ATXN2: variants seen among roughly 807,000 people sequenced by gnomAD.
The protein encoded by ATXN2 is ataxin 2.
Under a neutral mutation model 138.6 loss-of-function variants are expected in ATXN2, and 37 were observed. The observed-to-expected ratio is 0.27, with a 90% CI of 0.21 to 0.35. The LOEUF (loss-of-function observed/expected upper bound fraction) is 0.35, where lower values mean the gene tolerates loss of function less well. Ranked by LOEUF, ATXN2 falls within the 10% of genes least tolerant of loss-of-function variation. The pLI is 1.00. For missense variants in ATXN2, 1,216 were observed against 1,480.3 expected (o/e 0.82, Z 2.93); for synonymous variants, 549 against 543.7 (o/e 1.01, Z -0.13).
At chr12:111,508,441 CTTTTTT>C (rs66643315) in intron 14 of ATXN2, among the ~76,000 whole-genome samples, 2 of 85,646 alleles carry the variant, frequency 2.3e-5, no homozygotes, top group Admixed American at 3.0e-4. Context: ...AATTGAAAAA[CTTTTTT>C]TTTTTTTTTT....
intron 3 of ATXN2, among the ~76,000 whole-genome samples, chr12:111,553,604 A>AAAAATTTTTTT (rs1882237738): frequency 3.5e-5 from 3 of 85,004 alleles, no homozygotes; most frequent in African/African-American, 2.3e-4. Flanking sequence ...AAAAAAAAAA[A>AAAAATTTTTTT]TTTTTTTTTT....
chr12:111,552,446 C>A lies in ATXN2; in HGVS notation c.421-16G>T. On this transcript the variant is annotated splice_polypyrimidine_tract_variant and intron_variant, in intron 4 of 24. Coordinates refer to ENST00000673436, the MANE Select transcript of ATXN2 (RefSeq NM_001372574.1). The surrounding 1 kb of genome is among the most constrained non-coding windows in gnomAD (Gnocchi z 4.1). ...CCAAATCACACTAAAATGAAAAACACAAGTAAGTACTCCAAACCTTTACAA... is the reference window on the plus strand; with the variant it reads ...CCAAATCACACTAAAATGAAAAACAAAAGTAAGTACTCCAAACCTTTACAA... 1 of 1,602,150 alleles carries A rather than the reference C, an allele frequency of 6.2e-7. No individual in the cohort carries two copies. The highest frequency in any genetic ancestry group is 8.5e-7 in the Non-Finnish European group (1 of 1,176,474).
intron 18 of ATXN2, among the ~76,000 whole-genome samples, chr12:111,483,452 C>CTTTTTTTTTTTTTTTTTTT: frequency 9.3e-6 from 1 of 107,212 alleles, no homozygotes; most frequent in Non-Finnish European, 1.9e-5. Context: ...TAAAAGAACT[C>CTTTTTTTTTTTTTTTTTTT]TTTTTTTTTT....
chr12:111,464,831 A>G (rs550449243), intron 20 of ATXN2, 116 bp from the exon 21 acceptor site: 7 of 775,702 alleles, frequency 9.0e-6, no homozygotes, highest in South Asian at 4.9e-5. Context: ...ATTCATTTTC[A>G]TAAGAGATGA....
intron 5 of ATXN2, among the ~76,000 whole-genome samples, chr12:111,539,950 G>A (rs972207541): frequency 1.3e-5 from 2 of 150,054 alleles, no homozygotes; most frequent in African/African-American, 4.8e-5. Context: ...TCAGAATTAG[G>A]TTAAGGAAAA....
chr12:111,543,072 T>C (rs1473613365), intron 5 of ATXN2, among the ~76,000 whole-genome samples: 1 of 152,212 alleles, frequency 6.6e-6, no homozygotes, highest in African/African-American at 2.4e-5. Context: ...TTCCATTACA[T>C]AGATCCGTTC....
chr12:111,564,290 T>C (rs1409908587), intron 1 of ATXN2, among the ~76,000 whole-genome samples: 1 of 151,686 alleles, frequency 6.6e-6, no homozygotes, highest in African/African-American at 2.4e-5. Flanking sequence ...AAATACCTAA[T>C]GAATTAACAG....
At position 111,513,423 on chromosome 12, in the gene ATXN2, C is replaced by G; in HGVS notation, c.1492G>C (p.Ala498Pro). Residue 498 changes from alanine to proline, a missense_variant, in exon 11 of 25, where the codon GCA (alanine) becomes CCA (proline). By Grantham distance (27) the Ala-to-Pro change is conservative. Coordinates refer to ENST00000673436, the MANE Select transcript of ATXN2 (RefSeq NM_001372574.1). The part of the protein sequence containing the change: ...EFVSHNPPSE[A>P]ATPPVARTSP... ...GTCCTTGCTACTGGAGGAGTAGCTG[C>G]TTCACTGGGTGGGTTGTGGGATACA... The G allele has an allele frequency of 6.2e-7, 1 of 1,614,032 alleles. No individual in the cohort carries two copies. The highest frequency in any genetic ancestry group is 8.5e-7 in the Non-Finnish European group (1 of 1,180,000).
chr12:111,574,744 C>T (rs544991591), intron 1 of ATXN2, among the ~76,000 whole-genome samples: 100 of 152,202 alleles, frequency 6.6e-4, no homozygotes, highest in Non-Finnish European at 1.1e-3. Flanking sequence ...TTTTCTTTTC[C>T]GTTTTTCATA....
chr12:111,566,092 C>A (rs1882986971), intron 1 of ATXN2, among the ~76,000 whole-genome samples: 4 of 152,046 alleles, frequency 2.6e-5, no homozygotes, highest in African/African-American at 9.7e-5. Context: ...AAGAATCAGT[C>A]CATAGCCCAG....
intron 14 of ATXN2, among the ~76,000 whole-genome samples, chr12:111,492,199 G>A (rs75922992): frequency 2.6e-5 from 4 of 152,266 alleles, no homozygotes; most frequent in East Asian, 3.9e-4. Context: ...TTGGAGAAAT[G>A]TAAGAGGACA....
At chr12:111,497,544 C>T (rs1878495291) in intron 14 of ATXN2, among the ~76,000 whole-genome samples, 1 of 151,844 alleles carries the variant, frequency 6.6e-6, no homozygotes, top group African/African-American at 2.4e-5. Flanking sequence ...GGGATTCATC[C>T]CAGGGATGCA....
intron 1 of ATXN2, among the ~76,000 whole-genome samples, chr12:111,562,770 G>C (rs1882773789): frequency 6.7e-6 from 1 of 148,640 alleles, no homozygotes; most frequent in Admixed American, 6.7e-5. Flanking sequence ...TGGAAGAAAA[G>C]GGCATCACTA....
At chr12:111,500,829 C>T (rs543057223) in intron 14 of ATXN2, among the ~76,000 whole-genome samples, 4 of 151,948 alleles carry the variant, frequency 2.6e-5, no homozygotes, top group South Asian at 4.2e-4. Flanking sequence ...GTTGAGACTG[C>T]GCCACCGCAC....
chr12:111,490,186 G>GACC (rs920631483), intron 14 of ATXN2, among the ~76,000 whole-genome samples: 3 of 149,116 alleles, frequency 2.0e-5, no homozygotes, highest in Non-Finnish European at 4.4e-5. Context: ...CAGCCTGGGT[G>GACC]ACAGAGCAAG....
intron 1 of ATXN2, among the ~76,000 whole-genome samples, chr12:111,569,508 GA>G (rs1293689457): frequency 6.6e-6 from 1 of 152,174 alleles, no homozygotes; most frequent in African/African-American, 2.4e-5. Context: ...GTGAGTCCAG[GA>G]ATTTGAGACC....
At chr12:111,587,916 G>C (rs1467531766) in intron 1 of ATXN2, among the ~76,000 whole-genome samples, 1 of 152,050 alleles carries the variant, frequency 6.6e-6, no homozygotes, top group African/African-American at 2.4e-5. Flanking sequence ...TTTCGGGCTG[G>C]ACACAGTGGC....
intron 11 of ATXN2, 79 bp from the exon 12 acceptor site, chr12:111,510,661 A>G: frequency 7.6e-7 from 1 of 1,310,986 alleles, no homozygotes; most frequent in Non-Finnish European, 1.1e-6. Flanking sequence ...GCTTCTCTGA[A>G]GATCTAGGTA....
intron 18 of ATXN2, among the ~76,000 whole-genome samples, chr12:111,479,382 G>A (rs1314269078): frequency 9.0e-6 from 1 of 110,852 alleles, no homozygotes; most frequent in Non-Finnish European, 1.7e-5. Flanking sequence ...GTGAAATCCC[G>A]TCTCTGCTAA....
Sources: gnomAD v4.1 joint callset for allele counts (sites outside exome capture counted in the v4.1 genomes callset) on GRCh38, gnomAD v4.1.1 for gene constraint, Gnocchi (gnomAD v3.1) non-coding constraint, MANE v1.5 for transcripts, NCBI Gene and HGNC (gene_info 2026-07-23, HGNC 2026-07-21) for gene names.